Variants in GPR55 observed in about 807,000 individuals in gnomAD.
GPR55 encodes the protein G protein-coupled receptor 55.
A neutral mutation model predicts 7.9 loss-of-function variants in GPR55; 6 were observed. That is an observed-to-expected ratio of 0.76 (90% CI 0.41 to 1.49). GPR55 has a LOEUF of 1.49. GPR55 is among the 40% of genes most tolerant of loss of function. The pLI is 0.01. For missense variants in GPR55, 376 were observed against 406.0 expected (o/e 0.93, Z 0.63); for synonymous variants, 183 against 166.8 (o/e 1.10, Z -0.75).
chr2:230,928,267 C>T (rs886571889), upstream of GPR55, among the ~76,000 whole-genome samples: 1 of 152,098 alleles, frequency 6.6e-6, no homozygotes, highest in African/African-American at 2.4e-5. Context: ...AGGGCACCAG[C>T]AGCAACAAGA....
chr2:230,932,185 GC>G (rs1483478092), intron 1 of GPR55, among the ~76,000 whole-genome samples: 1 of 152,230 alleles, frequency 6.6e-6, no homozygotes, highest in African/African-American at 2.4e-5. Context: ...CACGCCACCA[GC>G]CCGCCGACCT....
upstream of GPR55, among the ~76,000 whole-genome samples, chr2:230,926,312 G>A (rs1211171234): frequency 2.0e-5 from 3 of 152,232 alleles, no homozygotes; most frequent in Admixed American, 2.0e-4. Flanking sequence ...TGTGCGATGG[G>A]CAGTGCCAAG....
At chr2:230,932,241 G>T (rs189302285) in intron 1 of GPR55, among the ~76,000 whole-genome samples, 4 of 152,320 alleles carry the variant, frequency 2.6e-5, no homozygotes, top group Admixed American at 2.6e-4. Context: ...GTTTGTGGGA[G>T]GCATCCAGAG....
chr2:230,930,126 C>A (rs573844075), upstream of GPR55, among the ~76,000 whole-genome samples: 17 of 152,378 alleles, frequency 1.1e-4, no homozygotes, highest in South Asian at 6.2e-4. Context: ...CTGAGTACCC[C>A]CTCTGGCCTC....
intron 1 of GPR55, among the ~76,000 whole-genome samples, chr2:230,960,460 T>C (rs749891422): frequency 6.6e-6 from 1 of 152,194 alleles, no homozygotes; most frequent in Non-Finnish European, 1.5e-5. Context: ...TGTCTTACTT[T>C]TGTTACTCAG....
chr2:230,921,709 ACACT>A (rs1181519003), intron 1 of GPR55, among the ~76,000 whole-genome samples: 1 of 152,222 alleles, frequency 6.6e-6, no homozygotes, highest in African/African-American at 2.4e-5. Context: ...AGCCAAGGCT[ACACT>A]CAAAGATCCT....
chr2:230,926,698 T>G (rs1690948981), upstream of GPR55, among the ~76,000 whole-genome samples: 1 of 140,478 alleles, frequency 7.1e-6, no homozygotes, highest in African/African-American at 2.7e-5. Flanking sequence ...TTTTTTTTTT[T>G]TTTTTTTTTG....
intron 1 of GPR55, among the ~76,000 whole-genome samples, chr2:230,939,216 T>G (rs574725698): frequency 3.1e-4 from 47 of 152,334 alleles, no homozygotes; most frequent in African/African-American, 1.1e-3. Flanking sequence ...GGGGCAGGGC[T>G]CTTTCCGGTG....
At chr2:230,955,447 A>G (rs144020104) in intron 1 of GPR55, among the ~76,000 whole-genome samples, 2 of 152,340 alleles carry the variant, frequency 1.3e-5, no homozygotes, top group East Asian at 3.9e-4. Flanking sequence ...ACATAACTGT[A>G]CAGAATTCCC....
At chr2:230,940,460 C>T (rs1299037743) in intron 1 of GPR55, among the ~76,000 whole-genome samples, 4 of 152,318 alleles carry the variant, frequency 2.6e-5, no homozygotes, top group South Asian at 4.1e-4. Context: ...AGCATGAACT[C>T]GTCCTGCAGG....
intron 1 of GPR55, among the ~76,000 whole-genome samples, chr2:230,938,857 G>A (rs76151875): frequency 0.019 from 2,865 of 152,268 alleles, 85 homozygotes; most frequent in African/African-American, 0.066. Context: ...TGAGAGCCTC[G>A]AGTCTAGCTG....
chr2:230,939,128 C>G (rs1691179712), intron 1 of GPR55, among the ~76,000 whole-genome samples: 1 of 152,212 alleles, frequency 6.6e-6, no homozygotes, highest in Non-Finnish European at 1.5e-5. Context: ...TCCCTGCAGC[C>G]CTGGGGCCTA....
At chr2:230,930,302 T>A (rs1691014543) in intron 1 of GPR55, among the ~76,000 whole-genome samples, 1 of 152,220 alleles carries the variant, frequency 6.6e-6, no homozygotes, top group African/African-American at 2.4e-5. Flanking sequence ...TTTGCCCACA[T>A]GCCCATCAGG....
chr2:230,932,851 T>C (rs898881105), intron 1 of GPR55, among the ~76,000 whole-genome samples: 1 of 152,150 alleles, frequency 6.6e-6, no homozygotes, highest in Admixed American at 6.5e-5. Context: ...GTAGCTGTGC[T>C]ACAGGCAGGA....
chr2:230,947,864 C>A (rs1262575054), intron 1 of GPR55, among the ~76,000 whole-genome samples: 1 of 152,110 alleles, frequency 6.6e-6, no homozygotes, highest in Non-Finnish European at 1.5e-5. Context: ...CCCTCCAACT[C>A]CTAACATAGC....
chr2:230,938,534 T>G lies in GPR55; in HGVS notation c.-135+22241A>C, dbSNP rs140323147. Among the ~76,000 whole-genome samples the G allele has an allele frequency of 5.1e-3, 772 of 152,348 alleles. 9 individuals are homozygous for G. The highest frequency in any genetic ancestry group is 0.017 in the African/African-American group (723 of 41,586). The stretch of plus-strand genomic sequence containing the variant: ...AAAAATATTGGTATTTCCTGATGTC[T>G]CTTCACTTGAAGGAAAGACTGGGGC... On this transcript the variant is annotated intron_variant, in intron 1 of 1. Coordinates refer to the GPR55 transcript ENST00000392039.
chr2:230,928,672 G>C (rs980145231), upstream of GPR55: 9 of 152,132 alleles, frequency 5.9e-5, no homozygotes, highest in Admixed American at 3.3e-4. Flanking sequence ...TGTCTCCCCT[G>C]CTGGGTCTAT....
intron 1 of GPR55, among the ~76,000 whole-genome samples, chr2:230,953,723 A>C (rs1221661767): frequency 1.3e-5 from 2 of 152,240 alleles, no homozygotes; most frequent in Non-Finnish European, 2.9e-5. Context: ...AACCCTGTAC[A>C]TCCTGTGTCC....
At chr2:230,961,180 G>A (rs1002778828), upstream of GPR55, 1 of 152,208 alleles carries the variant, frequency 6.6e-6, no homozygotes, top group Non-Finnish European at 1.5e-5. Context: ...TCTCCATCGG[G>A]GGAGAAAAAG....
Sources: allele counts gnomAD v4.1 joint callset (sites outside exome capture counted in the v4.1 genomes callset), GRCh38; gene constraint gnomAD v4.1.1; transcripts MANE v1.5; gene names NCBI Gene and HGNC (gene_info 2026-07-23, HGNC 2026-07-21).